PIKFYVE: variants seen among roughly 807,000 people sequenced by gnomAD.
The protein encoded by PIKFYVE is 1-phosphatidylinositol 3-phosphate 5-kinase.
In PIKFYVE, 122 loss-of-function variants were observed where a neutral mutation model predicts 257.9. The ratio of observed to expected loss-of-function variants is 0.47; its 90% CI spans 0.41 to 0.55. The LOEUF (loss-of-function observed/expected upper bound fraction) is 0.55. PIKFYVE is among the 20% of genes least tolerant of loss of function. PIKFYVE has a pLI of 0.00. For synonymous variants in PIKFYVE, 892 were observed against 868.9 expected (o/e 1.03, Z -0.47); for missense variants, 2,160 against 2,536.6 (o/e 0.85, Z 3.19).
At chr2:208,302,023 A>G (rs1693753287) in intron 9 of PIKFYVE, among the ~76,000 whole-genome samples, 1 of 152,104 alleles carries the variant, frequency 6.6e-6, no homozygotes, top group Admixed American at 6.5e-5. Context: ...TTTTGTTGGG[A>G]CTGCCTTACC....
At chr2:208,327,626 T>C (rs920416197) in intron 20 of PIKFYVE, among the ~76,000 whole-genome samples, 8 of 152,212 alleles carry the variant, frequency 5.3e-5, no homozygotes, top group African/African-American at 1.7e-4. Context: ...GCAAAAAGAA[T>C]AGATATTTTA....
intron 31 of PIKFYVE, among the ~76,000 whole-genome samples, chr2:208,341,834 A>T (rs1226788828): frequency 6.6e-6 from 1 of 152,066 alleles, no homozygotes; most frequent in African/African-American, 2.4e-5. Context: ...GGGAGCTGGG[A>T]GGGTAAACAT....
chr2:208,295,881 A>G (rs998207503), intron 7 of PIKFYVE, among the ~76,000 whole-genome samples: 1 of 152,146 alleles, frequency 6.6e-6, no homozygotes, highest in Non-Finnish European at 1.5e-5. Flanking sequence ...TTGAAATGCA[A>G]TGTTATTATG....
At chr2:208,269,608 A>G (rs1352633389) in intron 1 of PIKFYVE, 2 of 277,392 alleles carry the variant, frequency 7.2e-6, no homozygotes, top group African/African-American at 2.3e-5. Context: ...CCGGGACTTC[A>G]GGTCATCACT....
At chr2:208,269,968 G>T in intron 1 of PIKFYVE, 1 of 232,060 alleles carries the variant, frequency 4.3e-6, no homozygotes, top group Non-Finnish European at 9.5e-6. Flanking sequence ...GATGTCTGGT[G>T]GCCAAAGGAC....
chr2:208,317,155 CT>C (rs1159678300), intron 15 of PIKFYVE, among the ~76,000 whole-genome samples: 1 of 151,094 alleles, frequency 6.6e-6, no homozygotes, highest in Non-Finnish European at 1.5e-5. Context: ...AACTAAAGAG[CT>C]TCTGCACAGC....
rs766287795 is a variant in PIKFYVE, at chr2:208,339,514, T to C, written c.4769T>C (p.Val1590Ala). ...CCTGAAGTCATGTCTGAACAGTCAGTGGGAGGGCCCCCTGAGCTAGATACA... is the reference window on the plus strand; with the variant it reads ...CCTGAAGTCATGTCTGAACAGTCAGCGGGAGGGCCCCCTGAGCTAGATACA... ...TPPEVMSEQS[V>A]GGPPELDTAS... The change falls in exon 30 of 42, where the codon GTG (valine) becomes GCG (alanine). Residue 1590 changes from valine to alanine, a missense_variant. Val to Ala is a moderately conservative substitution (Grantham distance 64). This residue lies in a region of PIKFYVE where 699 missense variants were observed against 855.8 expected (regional missense o/e 0.82). Coordinates refer to ENST00000264380, the MANE Select transcript of PIKFYVE (RefSeq NM_015040.4). 17 of 1,613,998 alleles carry C rather than the reference T, an allele frequency of 1.1e-5. No homozygotes were observed. The highest frequency in any genetic ancestry group is 1.4e-5 in the Non-Finnish European group (17 of 1,180,016).
Position 208,276,753 on chromosome 2 carries a change from C to A in PIKFYVE, c.364C>A (p.Pro122Thr). The change falls in exon 4 of 42, where the codon CCT (proline) becomes ACT (threonine). Residue 122 changes from proline (P) to threonine (T), a missense_variant. Pro to Thr is a conservative substitution (Grantham distance 38, BLOSUM62 -1). Around this residue, in one of 12 missense-constraint regions of PIKFYVE, gnomAD observed 172 missense variants for 180.6 expected, o/e 0.95. Transcript: ENST00000264380. ...KAEPTFGGHD[P>T]RTAVQLRSLS... ...AGAACCTACCTTTGGAGGTCATGAC[C>A]CTCGTACAGCTGTTCAGCTTCGAAG... 1.2e-6 allele frequency: 2 copies of A among 1,613,598 alleles called. No individual in the cohort carries two copies. The highest frequency in any genetic ancestry group is 2.2e-5 in the South Asian group (2 of 91,070).
At position 208,271,368 on chromosome 2, in the gene PIKFYVE, A is replaced by G. The variant is rs888147972; in HGVS notation, c.-9-143A>G. On this transcript the variant is annotated intron_variant, in intron 1 of 41. Coordinates refer to ENST00000264380, the MANE Select transcript of PIKFYVE (RefSeq NM_015040.4). ...CAGTGTTTTCAGTCCTTTGGAATAT[A>G]TGAAGCTAGATTTATTTACTGTTTG... 5.1e-6 allele frequency: 4 copies of G among 777,884 alleles called. No individual in the cohort carries two copies. In the African/African-American group the frequency reaches 5.2e-5, roughly 10 times the overall value. The allele number at this position is 777,884 out of a possible 1,614,324, so 48.2% of individuals were successfully genotyped here.
At chr2:208,347,036 T>C (rs1285128901) in intron 34 of PIKFYVE, among the ~76,000 whole-genome samples, 1 of 152,176 alleles carries the variant, frequency 6.6e-6, no homozygotes, top group Non-Finnish European at 1.5e-5. Context: ...TTGTCCCGGT[T>C]GGGTTATACA....
chr2:208,270,395 A>G (rs568165833), intron 1 of PIKFYVE, among the ~76,000 whole-genome samples: 1 of 152,328 alleles, frequency 6.6e-6, no homozygotes, highest in South Asian at 2.1e-4. Flanking sequence ...TCTTTGAAAT[A>G]TAAATCAATA....
chr2:208,332,917 A>C (rs999022938), intron 23 of PIKFYVE, among the ~76,000 whole-genome samples: 1 of 152,094 alleles, frequency 6.6e-6, no homozygotes, highest in Non-Finnish European at 1.5e-5. Context: ...TTCTGCAGTC[A>C]GTATATATTA....
intron 2 of PIKFYVE, 56 bp from the exon 3 acceptor site, chr2:208,273,528 C>G: frequency 6.2e-7 from 1 of 1,608,720 alleles, no homozygotes; most frequent in Non-Finnish European, 8.5e-7. Context: ...CATCTACTTC[C>G]TTCTCATTGC....
rs776957736 is a variant in PIKFYVE, at chr2:208,352,802, T to G, written c.5844+20T>G. ...GCACAGGTAAGGGTATTGGACTATG[T>G]GAAGCATTTAGCTACTGGAACCTTT... On this transcript the variant is annotated intron_variant, in intron 39 of 41. Coordinates refer to ENST00000264380, the MANE Select transcript of PIKFYVE (RefSeq NM_015040.4). 1.2e-6 allele frequency: 2 copies of G among 1,610,852 alleles called. No homozygotes were observed. The highest frequency in any genetic ancestry group is 2.2e-5 in the East Asian group (1 of 44,682).
intron 15 of PIKFYVE, 37 bp downstream of exon 15, chr2:208,315,410 G>A (rs754527034): frequency 1.2e-6 from 2 of 1,606,336 alleles, no homozygotes; most frequent in South Asian, 1.1e-5. Context: ...GCTAGGAACT[G>A]ATGAGGCAGG....
At chr2:208,277,857 A>T (rs1690307422) in intron 5 of PIKFYVE, 149 bp downstream of exon 5, 1 of 759,754 alleles carries the variant, frequency 1.3e-6, no homozygotes, top group Non-Finnish European at 2.2e-6. Flanking sequence ...TTTGCTTTTA[A>T]GAACTTTCCT....
In PIKFYVE at chr2:208,325,467, A is replaced by T. The variant is rs1482811425; in HGVS notation, c.2656A>T (p.Asn886Tyr). ...EFAMPPTLMQ[N>Y]PSFHSLIEGR... ...TGCTATGCCTCCCACATTAATGCAA[A>T]ACCCTTCATTCCATTCCCTGATTGA... The change falls in exon 20 of 42, where the codon AAC becomes TAC. Residue 886 changes from asparagine to tyrosine, a missense_variant. Coordinates refer to ENST00000264380, the MANE Select transcript of PIKFYVE (RefSeq NM_015040.4). 1.2e-6 allele frequency: 2 copies of T among 1,614,116 alleles called. No individual in the cohort carries two copies. The highest frequency in any genetic ancestry group is 2.2e-5 in the East Asian group (1 of 44,876).
intron 2 of PIKFYVE, among the ~76,000 whole-genome samples, chr2:208,272,673 G>A (rs183452383): frequency 6.6e-6 from 1 of 152,142 alleles, no homozygotes; most frequent in East Asian, 1.9e-4. Flanking sequence ...TATAGAATTT[G>A]GAGAGGTTAA....
chr2:208,330,114 A>C (rs959667666), intron 22 of PIKFYVE, among the ~76,000 whole-genome samples: 1 of 152,296 alleles, frequency 6.6e-6, no homozygotes, highest in Admixed American at 6.5e-5. Flanking sequence ...CATCCCTCAT[A>C]TCTCTGCCCA....
Sources: allele counts gnomAD v4.1 joint callset (sites outside exome capture counted in the v4.1 genomes callset), GRCh38; gene constraint gnomAD v4.1.1; regional missense constraint gnomAD v4.1.1; transcripts MANE v1.5; gene names NCBI Gene and HGNC (gene_info 2026-07-23, HGNC 2026-07-21).